DNMT1: variants seen among roughly 807,000 people sequenced by gnomAD.
The protein encoded by DNMT1 is DNA methyltransferase 1, also known as DNA (cytosine-5)-methyltransferase 1.
DNMT1 carries 24 observed loss-of-function variants against 205.3 expected under a neutral mutation model. The ratio of observed to expected loss-of-function variants is 0.12; its 90% CI spans 0.08 to 0.16. The LOEUF (loss-of-function observed/expected upper bound fraction) is 0.16, where lower values mean the gene tolerates loss of function less well. DNMT1 is among the 10% of genes least tolerant of loss of function. The pLI, the probability that DNMT1 is intolerant of heterozygous loss-of-function variation, is 1.00. For synonymous variants in DNMT1, 817 were observed against 839.8 expected (o/e 0.97, Z 0.47); for missense variants, 1,293 against 2,177.7 (o/e 0.59, Z 8.09).
intron 24 of DNMT1, 33 bp from the exon 25 acceptor site, chr19:10,150,001 A>C: frequency 1.9e-6 from 3 of 1,591,570 alleles, no homozygotes; most frequent in Non-Finnish European, 2.6e-6. Flanking sequence ...ATGGAGGATC[A>C]TTCTGAGGGT....
chr19:10,183,126 T>TATA (rs200261595), intron 1 of DNMT1, among the ~76,000 whole-genome samples: 17 of 90,926 alleles, frequency 1.9e-4, no homozygotes, highest in East Asian at 7.8e-4. Flanking sequence ...TATATATATA[T>TATA]TTTTTTTTTT....
chr19:10,166,006 T>A (rs142622150), intron 11 of DNMT1, among the ~76,000 whole-genome samples: 30 of 152,188 alleles, frequency 2.0e-4, no homozygotes, highest in Non-Finnish European at 4.0e-4. Flanking sequence ...GAGACCCTCT[T>A]GGGGTCTTCG....
intron 1 of DNMT1, among the ~76,000 whole-genome samples, chr19:10,194,359 AC>A (rs201354219): frequency 1.8e-4 from 27 of 151,196 alleles, no homozygotes; most frequent in African/African-American, 6.3e-4. Flanking sequence ...GCACTGAGGG[AC>A]CCCCCACCAC....
intron 7 of DNMT1, among the ~76,000 whole-genome samples, chr19:10,175,082 C>CGT (rs1483697761): frequency 6.4e-5 from 6 of 94,290 alleles, no homozygotes; most frequent in Non-Finnish European, 1.0e-4. Flanking sequence ...TACATACATA[C>CGT]ATACACACAC....
chr19:10,149,820 A>G (rs752851189), intron 25 of DNMT1, 33 bp downstream of exon 25: 2 of 1,611,498 alleles, frequency 1.2e-6, no homozygotes, highest in Non-Finnish European at 1.7e-6. Flanking sequence ...GAGAAAGTGC[A>G]TGCAGAAGTC....
chr19:10,187,381 TC>T (rs2145400704), intron 1 of DNMT1, among the ~76,000 whole-genome samples: 1 of 152,120 alleles, frequency 6.6e-6, no homozygotes, highest in South Asian at 2.1e-4. Context: ...GACAGGAAGA[TC>T]ACTTGAGCCC....
chr19:10,141,165 A>G lies in DNMT1; in HGVS notation c.3334T>C (p.Phe1112Leu), dbSNP rs1479104782. The G allele has an allele frequency of 6.2e-7, 1 of 1,614,020 alleles. No homozygotes were observed. The highest frequency in any genetic ancestry group is 1.6e-4 in the Middle Eastern group (1 of 6,062). ...LEAYNAKSKS[F>L]EDPPNHARSP... Reference sequence around the variant, plus strand: ...CGGGCATGGTTGGGAGGATCTTCAAAGCTTTTGCTCTTTGCATTATAGGCC... The same window carrying G: ...CGGGCATGGTTGGGAGGATCTTCAAGGCTTTTGCTCTTTGCATTATAGGCC... Residue 1112 changes from phenylalanine to leucine, a missense_variant, in exon 31 of 41, where the codon TTT (phenylalanine) becomes CTT (leucine). By Grantham distance (22) the Phe-to-Leu change is conservative. Transcript: ENST00000359526.
In DNMT1 at chr19:10,156,460, C is replaced by T; in HGVS notation, c.1330G>A (p.Glu444Lys). Residue 444 changes from glutamate to lysine, a missense_variant, in exon 18 of 41, where the codon GAG (glutamate) becomes AAG (lysine). Physicochemically the swap from Glu to Lys is moderately conservative, Grantham distance 56 (BLOSUM62 1). This residue lies in a region of DNMT1 where 120 missense variants were observed against 315.9 expected (regional missense o/e 0.38). Coordinates refer to ENST00000359526, the MANE Select transcript of DNMT1 (RefSeq NM_001130823.3). The surrounding 1 kb of genome is among the most constrained non-coding windows in gnomAD (Gnocchi z 4.2). ...HLCPIDTGLI[E>K]KNIELFFSGS... ...GAAAAGAAGAGTTCGATATTCTTCT[C>T]GATGAGGCCGGTGTCGATGGGACAC... 6.2e-7 allele frequency: 1 copy of T among 1,613,364 alleles called. No homozygotes were observed. Among genetic ancestry groups the T allele is most frequent in the Non-Finnish European group, 8.5e-7 (1 of 1,179,590 alleles).
rs1456439026 is a variant in DNMT1 at position 10,149,080 on chromosome 19, A to G, written c.2587-63T>C. Reference sequence around the variant, plus strand: ...GGCTCATGCCTGTATTCCCAGCACTATGGGAGGCCGAGGCGGGTGGATCAC... The same window carrying G: ...GGCTCATGCCTGTATTCCCAGCACTGTGGGAGGCCGAGGCGGGTGGATCAC... On this transcript the variant is annotated intron_variant, in intron 26 of 40. Coordinates refer to ENST00000359526, the MANE Select transcript of DNMT1 (RefSeq NM_001130823.3). 1.4e-5 allele frequency: 22 copies of G among 1,599,750 alleles called. No homozygotes were observed. The East Asian group carries it at 4.9e-4, about 36-fold the overall frequency.
At chr19:10,160,481 T>G in intron 13 of DNMT1, 63 bp from the exon 14 acceptor site, 1 of 1,575,658 alleles carries the variant, frequency 6.3e-7, no homozygotes. Flanking sequence ...AGATAGTGCT[T>G]CGGTGTTAAG....
At position 10,146,260 on chromosome 19, in the gene DNMT1, T is replaced by C. The variant is rs1034551490; in HGVS notation, c.2894+91A>G. The C allele has an allele frequency of 1.7e-5, 25 of 1,492,948 alleles. No homozygotes were observed. Among genetic ancestry groups the C allele is most frequent in the Admixed American group, 1.3e-4 (7 of 51,980 alleles). 92.5% of individuals were successfully genotyped at this position (1,492,948 alleles called of 1,614,324 possible). On this transcript the variant is annotated intron_variant, in intron 28 of 40. Transcript: ENST00000359526. The surrounding 1 kb of genome is among the most constrained non-coding windows in gnomAD (Gnocchi z 4.4). The stretch of plus-strand genomic sequence containing the variant: ...TAGGACAACAGCTGGTGCGGAGGGA[T>C]TGGCAATGTCTGTAAGGAGGGGGAC...
At chr19:10,183,801 C>T (rs759982120) in intron 1 of DNMT1, among the ~76,000 whole-genome samples, 3 of 151,994 alleles carry the variant, frequency 2.0e-5, no homozygotes, top group Admixed American at 6.6e-5. Flanking sequence ...CACTTGAACC[C>T]GGGAGGCAGA....
chr19:10,141,287 T>C lies in DNMT1; in HGVS notation c.3310-98A>G. ...GGCAATTTGATAGTCACTTAATTTC[T>C]CCCTCAGTGGGGCCATGACCAATTA... On this transcript the variant is annotated intron_variant, in intron 30 of 40. Transcript: ENST00000359526. 4 of 1,275,046 alleles carry C rather than the reference T, an allele frequency of 3.1e-6. No individual in the cohort carries two copies. In the South Asian group the frequency reaches 4.8e-5, roughly 15 times the overall value. The allele number at this position is 1,275,046 out of a possible 1,614,324, so 79.0% of individuals were successfully genotyped here. A position where few individuals can be genotyped will look rare whatever the true frequency, so the allele number is the denominator to read the frequency against.
chr19:10,192,312 T>A (rs2039318995), intron 1 of DNMT1, among the ~76,000 whole-genome samples: 1 of 151,900 alleles, frequency 6.6e-6, no homozygotes, highest in African/African-American at 2.4e-5. Flanking sequence ...AAAAACAAGC[T>A]AAGTTAGCCA....
At chr19:10,190,626 G>A (rs10425105) in intron 1 of DNMT1, among the ~76,000 whole-genome samples, 20,208 of 151,814 alleles carry the variant, frequency 0.13, 1,937 homozygotes, top group East Asian at 0.4. Context: ...TTAGCCGGGC[G>A]TGGTGGCACA....
chr19:10,156,473 G>A lies in DNMT1; in HGVS notation c.1317C>T (p.Asp439=). The part of the protein sequence containing the change: ...YCKHGHLCPI[D]TGLIEKNIEL... Reference sequence around the variant, plus strand: ...CGATATTCTTCTCGATGAGGCCGGTGTCGATGGGACACAGGTGACCGTGCT... The same window carrying A: ...CGATATTCTTCTCGATGAGGCCGGTATCGATGGGACACAGGTGACCGTGCT... Residue 439 remains aspartate, a synonymous_variant, in exon 18 of 41, where the codon GAC becomes GAT. Coordinates refer to ENST00000359526, the MANE Select transcript of DNMT1 (RefSeq NM_001130823.3). The surrounding 1 kb of genome is among the most constrained non-coding windows in gnomAD (Gnocchi z 4.2). 1 of 1,613,566 alleles carries A rather than the reference G, an allele frequency of 6.2e-7. No homozygotes were observed. The highest frequency in any genetic ancestry group is 8.5e-7 in the Non-Finnish European group (1 of 1,179,644).
At position 10,140,467 on chromosome 19, in the gene DNMT1, T is replaced by TTCTCCCACCTC; in HGVS notation, c.3524-140_3524-139insGAGGTGGGAGA. 7.8e-7 allele frequency: 1 copy of TTCTCCCACCTC among 1,279,714 alleles called. No homozygotes were observed. 79.3% of individuals were successfully genotyped at this position (1,279,714 alleles called of 1,614,324 possible). On this transcript the variant is annotated intron_variant, in intron 32 of 40. Transcript: ENST00000359526. This position sits in a 1 kb window ranked among gnomAD's most constrained non-coding sequence, Gnocchi z 8.4. ...TCACTGCAAGCTCTGCCTCCCAGGT[T>TTCTCCCACCTC]CAAGCGATTCTCCCACCTCAGCCTC...
At chr19:10,188,824 G>A (rs992605470) in intron 1 of DNMT1, among the ~76,000 whole-genome samples, 2 of 152,152 alleles carry the variant, frequency 1.3e-5, no homozygotes, top group African/African-American at 4.8e-5. Context: ...GGCATGAGCC[G>A]AGGGATGAGA....
intron 37 of DNMT1, among the ~76,000 whole-genome samples, chr19:10,136,783 G>C (rs758636851): frequency 2.0e-5 from 3 of 147,860 alleles, no homozygotes; most frequent in Non-Finnish European, 4.5e-5. Flanking sequence ...TTTAGAGACA[G>C]GGTCTCACTC....
Sources: gnomAD v4.1 joint callset for allele counts (sites outside exome capture counted in the v4.1 genomes callset) on GRCh38, gnomAD v4.1.1 for gene constraint, gnomAD v4.1.1 regional missense constraint, Gnocchi (gnomAD v3.1) non-coding constraint, MANE v1.5 for transcripts, NCBI Gene and HGNC (gene_info 2026-07-23, HGNC 2026-07-21) for gene names.